The following GLIS3 variants were observed in gnomAD, a reference collection of about 807,000 sequenced individuals.
The protein encoded by GLIS3 is GLIS family zinc finger 3.
GLIS3 carries 53 observed loss-of-function variants against 78.6 expected under a neutral mutation model. The ratio of observed to expected loss-of-function variants is 0.67; its 90% CI spans 0.54 to 0.85. GLIS3 has a LOEUF of 0.85. Among genes scored for constraint, GLIS3 ranks in the 40% least tolerant of loss-of-function variants. GLIS3 has a pLI of 0.00. For synonymous variants in GLIS3, 684 were observed against 509.9 expected, an observed-to-expected ratio of 1.34 and a Z score of -4.60; for missense variants, 1,703 against 1,231.1, an observed-to-expected ratio of 1.38 and a Z score of -5.74.
chr9:4,074,538 T>C (rs1042896272), intron 4 of GLIS3, among the ~76,000 whole-genome samples: 1 of 152,170 alleles, frequency 6.6e-6, no homozygotes. Flanking sequence ...TCATCAGATA[T>C]AAAGATTCTA....
At chr9:4,129,482 T>C (rs955506501) in intron 2 of GLIS3, among the ~76,000 whole-genome samples, 6 of 152,060 alleles carry the variant, frequency 3.9e-5, no homozygotes. Flanking sequence ...CACCATCCTT[T>C]GGTGCTGTTT....
At chr9:4,142,453 G>C (rs1833882681) in intron 2 of GLIS3, among the ~76,000 whole-genome samples, 2 of 152,172 alleles carry the variant, frequency 1.3e-5, no homozygotes, top group Non-Finnish European at 1.5e-5. Context: ...AGAGGCCTTA[G>C]CTTGGGGGTT....
At chr9:3,991,744 G>A (rs905998590) in intron 4 of GLIS3, among the ~76,000 whole-genome samples, 9 of 133,394 alleles carry the variant, frequency 6.7e-5, no homozygotes, top group African/African-American at 8.7e-5. Context: ...AGGCTGGAGT[G>A]CAGTGGTGGG....
intron 4 of GLIS3, among the ~76,000 whole-genome samples, chr9:3,982,013 TA>T (rs200094393): frequency 2.7e-4 from 41 of 151,262 alleles, no homozygotes; most frequent in Admixed American, 4.6e-4. Context: ...TGCTTACACT[TA>T]AAAAAAAATG....
intron 5 of GLIS3, chr9:3,933,000 C>A: frequency 4.3e-6 from 1 of 231,264 alleles, no homozygotes; most frequent in South Asian, 6.1e-5. Flanking sequence ...TTCAAACAGA[C>A]ACGTGAAAAA....
chr9:4,422,682 T>G, the GLIS3 span, among the ~76,000 whole-genome samples: 1 of 152,090 alleles, frequency 6.6e-6, no homozygotes, highest in Non-Finnish European at 1.5e-5. Context: ...AATACAAATC[T>G]CAGATAAGCT....
At chr9:3,951,569 G>A (rs534159024) in intron 4 of GLIS3, among the ~76,000 whole-genome samples, 28 of 151,928 alleles carry the variant, frequency 1.8e-4, no homozygotes, top group African/African-American at 6.8e-4. Flanking sequence ...ACCACTGGCA[G>A]CTGGCCCTTT....
chr9:4,051,982 G>A (rs1825780021), intron 4 of GLIS3, among the ~76,000 whole-genome samples: 3 of 152,178 alleles, frequency 2.0e-5, no homozygotes, highest in African/African-American at 7.2e-5. Context: ...CTCATTTGTA[G>A]AACACAATTA....
At chr9:4,449,162 A>T in the GLIS3 span, among the ~76,000 whole-genome samples, 3 of 152,138 alleles carry the variant, frequency 2.0e-5, no homozygotes, top group African/African-American at 4.8e-5. Context: ...ACACCAGGAG[A>T]TTATATACCA....
At chr9:4,275,226 G>C (rs1826874036) in intron 2 of GLIS3, among the ~76,000 whole-genome samples, 2 of 152,176 alleles carry the variant, frequency 1.3e-5, no homozygotes, top group Admixed American at 1.3e-4. Flanking sequence ...TCCATGTTCA[G>C]AGGGGCCAAC....
the GLIS3 span, among the ~76,000 whole-genome samples, chr9:4,379,266 G>T: frequency 6.6e-6 from 1 of 152,142 alleles, no homozygotes; most frequent in Non-Finnish European, 1.5e-5. Flanking sequence ...TGCTGGCTAT[G>T]GGTCTCTTCT....
chr9:4,379,395 G>T, the GLIS3 span, among the ~76,000 whole-genome samples: 1 of 152,206 alleles, frequency 6.6e-6, no homozygotes, highest in Non-Finnish European at 1.5e-5. Context: ...AAATTCAAAT[G>T]CTAAAGATAA....
chr9:4,088,828 G>A (rs185507511), intron 4 of GLIS3, among the ~76,000 whole-genome samples: 1 of 152,180 alleles, frequency 6.6e-6, no homozygotes, highest in Non-Finnish European at 1.5e-5. Flanking sequence ...GGCCAAAATG[G>A]ATATTTCTTT....
intron 8 of GLIS3, among the ~76,000 whole-genome samples, chr9:3,877,252 T>TA (rs149507244): frequency 0.14 from 21,661 of 152,104 alleles, 1,898 homozygotes; most frequent in Non-Finnish European, 0.19. Flanking sequence ...TGCATTTTTT[T>TA]AAAAAAATCT....
chr9:4,233,137 A>T (rs1254297279), intron 2 of GLIS3, among the ~76,000 whole-genome samples: 1 of 152,238 alleles, frequency 6.6e-6, no homozygotes, highest in African/African-American at 2.4e-5. Context: ...TTTTCCAAAG[A>T]GAGAGTGTTC....
chr9:4,102,286 A>G (rs10814839), intron 4 of GLIS3, among the ~76,000 whole-genome samples: 97,841 of 152,014 alleles, frequency 0.64, 35,311 homozygotes, highest in South Asian at 0.92. Context: ...ATCAGAAGCT[A>G]AAGAGGTCAT....
the GLIS3 span, among the ~76,000 whole-genome samples, chr9:4,473,363 T>C: frequency 6.6e-6 from 1 of 150,874 alleles, no homozygotes; most frequent in East Asian, 1.9e-4. Context: ...GGAGAATCGT[T>C]TGAACCTGGG....
At chr9:4,470,611 A>G in the GLIS3 span, among the ~76,000 whole-genome samples, 4 of 152,196 alleles carry the variant, frequency 2.6e-5, no homozygotes, top group South Asian at 4.1e-4. Context: ...TCTCAAAATA[A>G]TAAGAGCTAT....
chr9:3,923,203 TA>T (rs1174425921), intron 6 of GLIS3, among the ~76,000 whole-genome samples: 2 of 152,182 alleles, frequency 1.3e-5, no homozygotes, highest in African/African-American at 4.8e-5. Context: ...TTTCCCACAT[TA>T]CCACTATAAT....
Sources: allele counts gnomAD v4.1 joint callset (sites outside exome capture counted in the v4.1 genomes callset), GRCh38; gene constraint gnomAD v4.1.1; transcripts MANE v1.5; gene names NCBI Gene and HGNC (gene_info 2026-07-23, HGNC 2026-07-21).